TMEM217: variants seen among roughly 807,000 people sequenced by gnomAD.
TMEM217 encodes the protein transmembrane protein 217.
For missense variants in TMEM217, 204 were observed against 248.8 expected, an observed-to-expected ratio of 0.82 and a Z score of 1.21; for synonymous variants, 76 against 88.3, an observed-to-expected ratio of 0.86 and a Z score of 0.78.
intron 1 of TMEM217, among the ~76,000 whole-genome samples, chr6:37,236,517 G>A (rs1293815296): frequency 2.6e-5 from 4 of 151,958 alleles, no homozygotes; most frequent in Non-Finnish European, 4.4e-5. Context: ...GGGAATAATA[G>A]GCCATTATAG....
chr6:37,239,477 AAAATAAAT>A (rs10550751), intron 1 of TMEM217, among the ~76,000 whole-genome samples: 42 of 150,008 alleles, frequency 2.8e-4, no homozygotes, highest in East Asian at 9.9e-4. Flanking sequence ...TCTGTCTTAA[AAAATAAAT>A]AAATAAATAA....
chr6:37,222,020 GA>G (rs1759410785), intron 1 of TMEM217, among the ~76,000 whole-genome samples: 1 of 152,156 alleles, frequency 6.6e-6, no homozygotes, highest in Non-Finnish European at 1.5e-5. Context: ...GCTATCAGCA[GA>G]GAGGATAGCT....
At chr6:37,252,584 C>T (rs998599097) in intron 1 of TMEM217, among the ~76,000 whole-genome samples, 50 of 59,916 alleles carry the variant, frequency 8.3e-4, no homozygotes, top group African/African-American at 3.6e-3. Flanking sequence ...TGCACGTGTA[C>T]GTGTATGTGT....
At chr6:37,255,081 G>T (rs1765644857) in intron 1 of TMEM217, among the ~76,000 whole-genome samples, 1 of 152,128 alleles carries the variant, frequency 6.6e-6, no homozygotes, top group Non-Finnish European at 1.5e-5. Context: ...CCTGCTGTGC[G>T]GCCTGGTTCC....
intron 1 of TMEM217, among the ~76,000 whole-genome samples, chr6:37,229,344 T>TTTTTTTTG (rs1764050035): frequency 7.8e-6 from 1 of 127,730 alleles, no homozygotes; most frequent in Non-Finnish European, 1.7e-5. Context: ...AGTTTTTTTT[T>TTTTTTTTG]TTTTTTTTTT....
intron 1 of TMEM217, among the ~76,000 whole-genome samples, chr6:37,252,832 GT>G (rs1158923214): frequency 6.6e-6 from 1 of 151,424 alleles, no homozygotes; most frequent in South Asian, 2.1e-4. Context: ...TAGAGATGGG[GT>G]TTTGTCATGT....
chr6:37,245,439 C>T (rs1765003530), intron 1 of TMEM217, among the ~76,000 whole-genome samples: 1 of 152,252 alleles, frequency 6.6e-6, no homozygotes, highest in Non-Finnish European at 1.5e-5. Context: ...TTCTTTGCAT[C>T]ACAAACTCCT....
rs186820498 is a variant in TMEM217 at position 37,238,597 on chromosome 6, C to G, written c.-12+18971G>C. Among the ~76,000 whole-genome samples the G allele has an allele frequency of 5.0e-3, 766 of 152,274 alleles. 4 individuals carry two copies. Among genetic ancestry groups the G allele is most frequent in the African/African-American group, 0.017 (701 of 41,560 alleles). ...CTGGAAGATCTAGGAAGACTTTTGC[C>G]TTTCCTGGTAAGAGAAGATGATGTG... On this transcript the variant is annotated intron_variant, in intron 1 of 1. Transcript: ENST00000357219.
rs150784415 is a variant in TMEM217, at chr6:37,243,455, C to G, written c.-12+14113G>C. On this transcript the variant is annotated intron_variant, in intron 1 of 1. Transcript: ENST00000357219. ...TAATTGCCCAGTGGGTTCTTCCTGC[C>G]TGCTACACAGACAAAACCAATTCAC... Among the ~76,000 whole-genome samples, 644 of 152,306 alleles carry G rather than the reference C, an allele frequency of 4.2e-3. 1 individual carries two copies. The highest frequency in any genetic ancestry group is 0.015 in the African/African-American group (623 of 41,556).
At chr6:37,229,335 GTTTTTTTTTT>G (rs372385535) in intron 1 of TMEM217, among the ~76,000 whole-genome samples, 4 of 74,368 alleles carry the variant, frequency 5.4e-5, no homozygotes, top group African/African-American at 1.6e-4. Flanking sequence ...GCAACTTTCA[GTTTTTTTTTT>G]TTTTTTTTTT....
At chr6:37,223,933 C>T (rs1262029503) in intron 1 of TMEM217, among the ~76,000 whole-genome samples, 1 of 148,650 alleles carries the variant, frequency 6.7e-6, no homozygotes, top group Non-Finnish European at 1.5e-5. Flanking sequence ...AGCCTCCTGC[C>T]TCAGCCTTTT....
At chr6:37,232,693 G>GAGGA in intron 1 of TMEM217, among the ~76,000 whole-genome samples, 1 of 152,276 alleles carries the variant, frequency 6.6e-6, no homozygotes, top group Non-Finnish European at 1.5e-5. Flanking sequence ...TTGTTACAAA[G>GAGGA]AGGAAGTATC....
Position 37,258,018 on chromosome 6 carries a change from T to A in TMEM217, c.-462A>T. On this transcript the variant is annotated 5_prime_UTR_variant, in exon 1 of 2. In the 5' UTR this introduces an upstream ATG that the reference lacks. Coordinates refer to ENST00000357219, the Ensembl canonical transcript of TMEM217. ...AGGGATAGGGGATTGGACCAAACCCTTCCAGATCCTAATCCCTGAATCCCG... is the reference window on the plus strand; with the variant it reads ...AGGGATAGGGGATTGGACCAAACCCATCCAGATCCTAATCCCTGAATCCCG... 1.9e-6 allele frequency: 3 copies of A among 1,597,952 alleles called. No individual in the cohort carries two copies. The highest frequency in any genetic ancestry group is 2.6e-6 in the Non-Finnish European group (3 of 1,170,314).
chr6:37,252,642 T>A (rs1358244600), intron 1 of TMEM217, among the ~76,000 whole-genome samples: 92 of 80,710 alleles, frequency 1.1e-3, no homozygotes, highest in African/African-American at 6.1e-3. Context: ...TATATATTTT[T>A]TTTTTTTTTT....
downstream of TMEM217, among the ~76,000 whole-genome samples, chr6:37,214,900 A>T (rs907235454): frequency 1.3e-5 from 2 of 151,830 alleles, no homozygotes; most frequent in African/African-American, 4.8e-5. Flanking sequence ...CACCAACGAA[A>T]CCTCACCTCT....
intron 1 of TMEM217, among the ~76,000 whole-genome samples, chr6:37,251,076 G>C (rs1765373873): frequency 6.6e-6 from 1 of 152,238 alleles, no homozygotes; most frequent in African/African-American, 2.4e-5. Context: ...CCAGGAAATG[G>C]GCCCTCACCA....
chr6:37,215,069 C>T (rs1415852082), downstream of TMEM217: 1 of 1,238,108 alleles, frequency 8.1e-7, no homozygotes, highest in African/African-American at 1.5e-5. Context: ...ACTGGTTCCA[C>T]AGCTCTGCTG....
intron 1 of TMEM217, among the ~76,000 whole-genome samples, chr6:37,256,768 C>T (rs1158461735): frequency 6.6e-6 from 1 of 152,052 alleles, no homozygotes; most frequent in African/African-American, 2.4e-5. Context: ...GGGGGACACG[C>T]AGCCCACCTC....
chr6:37,212,880 T>C (rs1379911691), downstream of TMEM217: 4 of 1,497,162 alleles, frequency 2.7e-6, no homozygotes, highest in African/African-American at 1.4e-5. Flanking sequence ...AGCAAATGTG[T>C]GTCTTCTGGT....
Sources: allele counts gnomAD v4.1 joint callset (sites outside exome capture counted in the v4.1 genomes callset), GRCh38; gene constraint gnomAD v4.1.1; transcripts MANE v1.5; gene names NCBI Gene and HGNC (gene_info 2026-07-23, HGNC 2026-07-21).